The following HDAC7 variants were observed in gnomAD, a reference collection of about 807,000 sequenced individuals.
HDAC7 encodes the protein histone deacetylase 7.
A neutral mutation model predicts 115.5 loss-of-function variants in HDAC7; 26 were observed. The observed-to-expected ratio is 0.23, with a 90% CI of 0.16 to 0.31. The LOEUF is 0.31. Ranked by LOEUF, HDAC7 falls within the 10% of genes least tolerant of loss-of-function variation. The probability of loss-of-function intolerance (pLI) is 1.00; values close to 1 mark genes in which losing one functional copy is unlikely to be tolerated. For synonymous variants in HDAC7, 564 were observed against 550.9 expected (o/e 1.02, Z -0.33); for missense variants, 1,068 against 1,329.0 (o/e 0.80, Z 3.05).
intron 1 of HDAC7, among the ~76,000 whole-genome samples, chr12:47,816,566 G>A (rs1328049251): frequency 6.6e-6 from 1 of 152,186 alleles, no homozygotes; most frequent in Non-Finnish European, 1.5e-5. Flanking sequence ...CGCACCCAGT[G>A]TGTGCTCACA....
intron 1 of HDAC7, among the ~76,000 whole-genome samples, chr12:47,810,978 T>C (rs1310015646): frequency 6.6e-6 from 1 of 152,112 alleles, no homozygotes; most frequent in Non-Finnish European, 1.5e-5. Flanking sequence ...GCCGCACGGC[T>C]ATCAGCATCC....
chr12:47,799,116 C>T (rs1944037701), intron 2 of HDAC7, 144 bp from the exon 3 acceptor site: 8 of 595,592 alleles, frequency 1.3e-5, no homozygotes, highest in South Asian at 5.1e-5. Context: ...TTAATCCTGT[C>T]GTGGTCCTGC....
intron 1 of HDAC7, 21 bp downstream of exon 1, chr12:47,819,746 G>A: frequency 1.2e-6 from 1 of 824,972 alleles, no homozygotes; most frequent in Non-Finnish European, 1.5e-6. Context: ...GCGGGGCGGG[G>A]GGCGGCCGCC....
At chr12:47,791,180 G>C in intron 16 of HDAC7, 79 bp downstream of exon 16, 1 of 1,341,002 alleles carries the variant, frequency 7.5e-7, no homozygotes, top group Non-Finnish European at 1.0e-6. Flanking sequence ...GGTTCTGCAG[G>C]GGCTGGGCCT....
intron 17 of HDAC7, 26 bp from the exon 18 acceptor site, chr12:47,789,604 A>G: frequency 6.2e-7 from 1 of 1,613,306 alleles, no homozygotes; most frequent in Non-Finnish European, 8.5e-7. Context: ...ATGCTTGTCA[A>G]TCAACAGACA....
upstream of HDAC7, among the ~76,000 whole-genome samples, chr12:47,820,269 G>T (rs955131498): frequency 6.6e-6 from 1 of 152,176 alleles, no homozygotes; most frequent in African/African-American, 2.4e-5. This position sits in a 1 kb window ranked among gnomAD's most constrained non-coding sequence, Gnocchi z 4.3. Context: ...ACGTACACGA[G>T]CACGCATCCA....
rs1479791821 is a variant in HDAC7, at chr12:47,798,245, C to G, written c.350-26G>C. 4 of 1,576,314 alleles carry G rather than the reference C, an allele frequency of 2.5e-6. No homozygotes were observed. The highest frequency in any genetic ancestry group is 3.5e-6 in the Non-Finnish European group (4 of 1,146,424). ...CTGTAGGGGCAGAGTCAGGAGGGGG[C>G]TGGAGGTGGGTGGACAGGCGGCCTC... On this transcript the variant is annotated intron_variant, in intron 4 of 25. Coordinates refer to ENST00000080059, the MANE Select transcript of HDAC7 (RefSeq NM_015401.5). The surrounding 1 kb of genome is among the most constrained non-coding windows in gnomAD (Gnocchi z 4.3).
rs780416721 is a variant in HDAC7, at chr12:47,789,520, T to C, written c.2147+3A>G. On this transcript the variant is annotated splice_donor_region_variant and intron_variant, in intron 18 of 25. Transcript: ENST00000080059. ...TCCCACCCAGGTCTTCCCTTAGCCT[T>C]ACATGGCTGTTGAATGATCTGCATG... The C allele has an allele frequency of 1.2e-6, 2 of 1,614,116 alleles. No homozygotes were observed. The highest frequency in any genetic ancestry group is 2.2e-5 in the East Asian group (1 of 44,880).
At chr12:47,787,389 T>A (rs2136914050) in intron 21 of HDAC7, among the ~76,000 whole-genome samples, 1 of 152,066 alleles carries the variant, frequency 6.6e-6, no homozygotes, top group Middle Eastern at 3.4e-3. Context: ...CAGAAAAGTG[T>A]TTGAAGATCC....
Position 47,791,992 on chromosome 12 carries a change from T to C in HDAC7, c.1691A>G (p.Asp564Gly). The change falls in exon 14 of 26, where the codon GAC becomes GGC. Residue 564 changes from aspartate to glycine, a missense_variant. By Grantham distance (94) the Asp-to-Gly change is moderately conservative. Around this residue, in one of 6 missense-constraint regions of HDAC7, gnomAD observed 618 missense variants for 701.5 expected, o/e 0.88. Transcript: ENST00000080059. ...GCACTGGTGCTTCAGCATGACCGAG[T>C]CATAGATCAGCCCTGCAGGAGCAAG... ...TLPFTTGLIY[D>G]SVMLKHQCSC... 1 of 1,609,114 alleles carries C rather than the reference T, an allele frequency of 6.2e-7. No individual in the cohort carries two copies. The highest frequency in any genetic ancestry group is 8.5e-7 in the Non-Finnish European group (1 of 1,177,380).
At chr12:47,791,159 C>T (rs748205495) in intron 16 of HDAC7, 100 bp downstream of exon 16, 65 of 1,193,614 alleles carry the variant, frequency 5.4e-5, no homozygotes, top group Non-Finnish European at 7.8e-5. Flanking sequence ...GGCAGAACCA[C>T]AACAAGCAGA....
In HDAC7 at chr12:47,795,028, A is replaced by T; in HGVS notation, c.1285-95T>A. ...GGGCCAGGCAGCCAGTCATCTTGCT[A>T]GGACTCCAGCTGCCATGCAGCTCTG... On this transcript the variant is annotated intron_variant, in intron 11 of 25. Coordinates refer to ENST00000080059, the MANE Select transcript of HDAC7 (RefSeq NM_015401.5). The surrounding 1 kb of genome is among the most constrained non-coding windows in gnomAD (Gnocchi z 4.3). 7.2e-7 allele frequency: 1 copy of T among 1,394,746 alleles called. No homozygotes were observed. The highest frequency in any genetic ancestry group is 9.9e-7 in the Non-Finnish European group (1 of 1,010,798). 86.4% of individuals were successfully genotyped at this position (1,394,746 alleles called of 1,614,324 possible).
chr12:47,787,661 G>T lies in HDAC7; in HGVS notation c.2453+51C>A, dbSNP rs188076019. ...CACCTCCCCCCTGGTGCTCTTGGGA[G>T]AAGGGACAGGAGAGGGTGGACTTGC... is the stretch of plus-strand genomic sequence containing the variant. On this transcript the variant is annotated intron_variant, in intron 21 of 25. Coordinates refer to ENST00000080059, the MANE Select transcript of HDAC7 (RefSeq NM_015401.5). The T allele has an allele frequency of 6.0e-6, 8 of 1,328,246 alleles. No individual in the cohort carries two copies. The South Asian group carries it at 1.0e-4, about 17-fold the overall frequency. The allele number at this position is 1,328,246 out of a possible 1,614,324, so 82.3% of individuals were successfully genotyped here.
intron 16 of HDAC7, chr12:47,790,599 C>A (rs554595294): frequency 6.4e-6 from 1 of 156,380 alleles, no homozygotes; most frequent in African/African-American, 2.4e-5. Flanking sequence ...CTCCCAAAGT[C>A]CCCCACCAGC....
In HDAC7 at chr12:47,798,891, T is replaced by C. The variant is rs1944020996; in HGVS notation, c.152A>G (p.Glu51Gly). 1 of 1,538,842 alleles carries C rather than the reference T, an allele frequency of 6.5e-7. No homozygotes were observed. The stretch of plus-strand genomic sequence containing the variant: ...CAGCAATGTGGGCTCTGGTGGGGGC[T>C]CCACTGGGGGCCGCTGGCCCACCCG... ...DLRVGQRPPVEPPPEPTLLAL... is the reference protein window; with the variant it reads ...DLRVGQRPPVGPPPEPTLLAL... Residue 51 changes from glutamate (E) to glycine (G), a missense_variant, in exon 3 of 26, where the codon GAG becomes GGG. By Grantham distance (98) the Glu-to-Gly change is moderately conservative. Around this residue, in one of 6 missense-constraint regions of HDAC7, gnomAD observed 161 missense variants for 158.5 expected, o/e 1.02. Transcript: ENST00000080059. This position sits in a 1 kb window ranked among gnomAD's most constrained non-coding sequence, Gnocchi z 4.3.
rs1268818759 is a variant in HDAC7, at chr12:47,793,976, T to C, written c.1459-388A>G. Among the ~76,000 whole-genome samples, 2 of 152,156 alleles carry C rather than the reference T, an allele frequency of 1.3e-5. No homozygotes were observed. The highest frequency in any genetic ancestry group is 4.8e-5 in the African/African-American group (2 of 41,422). ...TAAATTATGTTCCCCACCCTCAAAT[T>C]TATATGTTGAAGTCCCAACCCCCAG... On this transcript the variant is annotated intron_variant, in intron 12 of 25. Transcript: ENST00000080059. The surrounding 1 kb of genome is among the most constrained non-coding windows in gnomAD (Gnocchi z 4.5).
At chr12:47,813,005 G>C (rs1489309144) in intron 1 of HDAC7, 1 of 152,250 alleles carries the variant, frequency 6.6e-6, no homozygotes, top group African/African-American at 2.4e-5. Context: ...TGCTGCGCCA[G>C]CACCTCCTCA....
At chr12:47,802,160 T>TA in intron 2 of HDAC7, 64 bp downstream of exon 2, 1 of 1,526,052 alleles carries the variant, frequency 6.6e-7, no homozygotes, top group Non-Finnish European at 8.9e-7. Flanking sequence ...TCTCGCGTTC[T>TA]TACAGCCTTT....
At chr12:47,784,771 C>G in intron 24 of HDAC7, 1 of 1,535,544 alleles carries the variant, frequency 6.5e-7, no homozygotes, top group South Asian at 1.2e-5. Context: ...GGAACCATGT[C>G]CTGGAATCTG....
Sources: allele counts gnomAD v4.1 joint callset (sites outside exome capture counted in the v4.1 genomes callset), GRCh38; gene constraint gnomAD v4.1.1; regional missense constraint gnomAD v4.1.1; non-coding constraint Gnocchi (gnomAD v3.1); transcripts MANE v1.5; gene names NCBI Gene and HGNC (gene_info 2026-07-23, HGNC 2026-07-21).